The following TC2N variants were observed in gnomAD, a reference collection of about 807,000 sequenced individuals.
TC2N encodes the protein tandem C2 domains, nuclear.
In TC2N, 51 loss-of-function variants were observed where a neutral mutation model predicts 61.9. The observed-to-expected ratio is 0.82, with a 90% confidence interval of 0.66 to 1.04. The LOEUF is 1.04. Among genes scored for constraint, TC2N ranks in the 50% least tolerant of loss-of-function variants. TC2N has a pLI of 0.00. For missense variants in TC2N, 556 were observed against 566.7 expected, an observed-to-expected ratio of 0.98 and a Z score of 0.19; for synonymous variants, 204 against 192.6, an observed-to-expected ratio of 1.06 and a Z score of -0.49.
chr14:91,853,111 A>G (rs1180653486), intron 1 of TC2N, among the ~76,000 whole-genome samples: 1 of 152,020 alleles, frequency 6.6e-6, no homozygotes, highest in Non-Finnish European at 1.5e-5. Flanking sequence ...CAAAAACACA[A>G]CATGGCTGTT....
chr14:91,780,292 G>C lies in TC2N; in HGVS notation c.*2808C>G, dbSNP rs1020052181. The C allele has an allele frequency of 6.6e-6, 1 of 152,222 alleles. No individual in the cohort carries two copies. The highest frequency in any genetic ancestry group is 2.4e-5 in the African/African-American group (1 of 41,456). 9.4% of individuals were successfully genotyped at this position (152,222 alleles called of 1,614,324 possible). ...ACAAAAATGGAAAATGTTACTAGGA[G>C]ATATAGTTTATACCTGGCTGTTGAG... On this transcript the variant is annotated 3_prime_UTR_variant, in exon 12 of 12. Transcript: ENST00000435962.
Position 91,783,183 on chromosome 14 carries a change from T to C in TC2N, c.1390A>G (p.Ile464Val). The C allele has an allele frequency of 6.2e-7, 1 of 1,610,138 alleles. No individual in the cohort carries two copies. The highest frequency in any genetic ancestry group is 8.5e-7 in the Non-Finnish European group (1 of 1,177,130). ...QIWISEDSNN[I>V]EAVNQWKETV... ...TCTTTCCACTGGTTCACTGCTTCAA[T>C]GTTATTACTGTCTTCACTTATCCAA... Residue 464 changes from isoleucine to valine, a missense_variant, in exon 12 of 12, where the codon ATT becomes GTT. By Grantham distance (29) the Ile-to-Val change is conservative. Transcript: ENST00000435962.
chr14:91,817,346 C>T (rs1887051451), intron 1 of TC2N, among the ~76,000 whole-genome samples: 1 of 151,812 alleles, frequency 6.6e-6, no homozygotes. Context: ...TGTTCAGCCC[C>T]AGCATATCAG....
chr14:91,790,066 G>C (rs1481513072), intron 9 of TC2N, among the ~76,000 whole-genome samples: 1 of 152,154 alleles, frequency 6.6e-6, no homozygotes, highest in Non-Finnish European at 1.5e-5. Flanking sequence ...CCTCAGGCAA[G>C]TGTTCCCCTG....
At chr14:91,831,637 A>C (rs1249061294) in intron 1 of TC2N, among the ~76,000 whole-genome samples, 1 of 152,202 alleles carries the variant, frequency 6.6e-6, no homozygotes, top group Non-Finnish European at 1.5e-5. Context: ...TCAGTTCTAT[A>C]ATGCTGGGAA....
At chr14:91,859,677 C>A (rs531985355) in intron 1 of TC2N, among the ~76,000 whole-genome samples, 172 of 152,342 alleles carry the variant, frequency 1.1e-3, no homozygotes, top group African/African-American at 3.9e-3. Flanking sequence ...ACTCCCTCTA[C>A]ACAGGGGTGG....
chr14:91,853,630 T>C (rs1480247213), intron 1 of TC2N, among the ~76,000 whole-genome samples: 1 of 34,922 alleles, frequency 2.9e-5, no homozygotes, highest in African/African-American at 1.3e-4. Context: ...TCTGCTTGGA[T>C]TTTTTTTTTT....
chr14:91,782,222 C>CA lies in TC2N; in HGVS notation c.*877dup, dbSNP rs1214466932. The CA allele has an allele frequency of 6.6e-6, 1 of 151,790 alleles. No homozygotes were observed. Among genetic ancestry groups the CA allele is most frequent in the Admixed American group, 6.6e-5 (1 of 15,248 alleles). The allele number at this position is 151,790 out of a possible 1,614,324, so 9.4% of individuals were successfully genotyped here. ...GTTATGAAAAAAATGAGAAAATACT[C>CA]AAACACGGTAAATTATAGAATAATC... On this transcript the variant is annotated 3_prime_UTR_variant, in exon 12 of 12. Coordinates refer to ENST00000435962, the MANE Select transcript of TC2N (RefSeq NM_001128596.3).
Position 91,785,235 on chromosome 14 carries a change from C to G in TC2N, c.1289G>C (p.Ser430Thr), listed in dbSNP as rs141598484. 57 of 1,613,486 alleles carry G rather than the reference C, an allele frequency of 3.5e-5. No individual in the cohort carries two copies. The African/African-American group carries it at 6.0e-4, about 17-fold the overall frequency. ...AATGAGAAAAACAATTTCTTTTTCA[C>G]TCTGTATAAGTGGAAAAATCATAGT... ...GETMIFPLIQ[S>T]EKEIVFLIKL... is the part of the protein sequence containing the mutation. The change falls in exon 11 of 12, where the codon AGT (serine) becomes ACT (threonine). Residue 430 changes from serine to threonine, a missense_variant. Ser to Thr is a moderately conservative substitution (Grantham distance 58). Transcript: ENST00000435962.
intron 1 of TC2N, among the ~76,000 whole-genome samples, chr14:91,850,028 A>G (rs1888342508): frequency 6.7e-6 from 1 of 148,322 alleles, no homozygotes; most frequent in African/African-American, 2.5e-5. Context: ...CAGCCTGGGC[A>G]ACAAGAGTGA....
intron 1 of TC2N, among the ~76,000 whole-genome samples, chr14:91,843,790 C>A (rs1423559909): frequency 2.0e-5 from 3 of 152,122 alleles, no homozygotes; most frequent in Non-Finnish European, 2.9e-5. Flanking sequence ...CTTTTTTAAG[C>A]CTTTAGTTAA....
intron 3 of TC2N, among the ~76,000 whole-genome samples, chr14:91,806,442 C>T (rs1033522562): frequency 6.6e-6 from 1 of 152,160 alleles, no homozygotes; most frequent in Admixed American, 6.6e-5. Context: ...GACCAAAATG[C>T]TGATAATGAC....
intron 1 of TC2N, among the ~76,000 whole-genome samples, chr14:91,838,330 G>A (rs962363899): frequency 6.6e-6 from 1 of 151,876 alleles, no homozygotes; most frequent in African/African-American, 2.4e-5. Context: ...TTTTTTTATA[G>A]AGACAGGGTC....
intron 1 of TC2N, among the ~76,000 whole-genome samples, chr14:91,835,026 C>T (rs969946289): frequency 2.0e-5 from 3 of 152,156 alleles, no homozygotes; most frequent in East Asian, 3.8e-4. Context: ...CCAGATGTCC[C>T]GCCAGAATCT....
At chr14:91,852,248 A>T (rs1275925807) in intron 1 of TC2N, among the ~76,000 whole-genome samples, 1 of 152,198 alleles carries the variant, frequency 6.6e-6, no homozygotes, top group Non-Finnish European at 1.5e-5. Context: ...AACAACATGG[A>T]GAAACCCCGT....
At chr14:91,844,261 G>A (rs995582693) in intron 1 of TC2N, among the ~76,000 whole-genome samples, 6 of 152,084 alleles carry the variant, frequency 3.9e-5, no homozygotes, top group Non-Finnish European at 8.8e-5. Context: ...AACTTGTTTG[G>A]CAGCCTGAGC....
At chr14:91,862,743 T>G (rs957956356) in intron 1 of TC2N, among the ~76,000 whole-genome samples, 1 of 152,220 alleles carries the variant, frequency 6.6e-6, no homozygotes, top group Non-Finnish European at 1.5e-5. Context: ...GTTCCAAAAC[T>G]TCTTGGAGTA....
At chr14:91,801,276 AT>A (rs761993778) in intron 4 of TC2N, among the ~76,000 whole-genome samples, 6 of 152,286 alleles carry the variant, frequency 3.9e-5, no homozygotes, top group Admixed American at 6.5e-5. Context: ...AATGAAAAAA[AT>A]ATTACTGTAT....
chr14:91,798,224 G>T, intron 7 of TC2N, 75 bp downstream of exon 7: 1 of 758,686 alleles, frequency 1.3e-6, no homozygotes, highest in South Asian at 2.0e-5. Flanking sequence ...CCCCAGAAAA[G>T]GGCAATAGTC....
Sources: gnomAD v4.1 joint callset for allele counts (sites outside exome capture counted in the v4.1 genomes callset) on GRCh38, gnomAD v4.1.1 for gene constraint, MANE v1.5 for transcripts, NCBI Gene and HGNC (gene_info 2026-07-23, HGNC 2026-07-21) for gene names.